ABLIM2: variants seen among roughly 807,000 people sequenced by gnomAD.
ABLIM2 encodes the protein actin-binding LIM protein 2.
ABLIM2 carries 53 observed loss-of-function variants against 97.7 expected under a neutral mutation model. The observed-to-expected ratio is 0.54, with a 90% CI of 0.44 to 0.68. ABLIM2 has a LOEUF of 0.68. Among genes scored for constraint, ABLIM2 ranks in the 30% least tolerant of loss-of-function variants. The pLI is 0.00. For missense variants in ABLIM2, 835 were observed against 867.2 expected, an observed-to-expected ratio of 0.96 and a Z score of 0.47; for synonymous variants, 361 against 345.8, an observed-to-expected ratio of 1.04 and a Z score of -0.49.
intron 2 of ABLIM2, among the ~76,000 whole-genome samples, chr4:8,103,385 A>G (rs907477502): frequency 6.6e-6 from 1 of 152,258 alleles, no homozygotes; most frequent in Non-Finnish European, 1.5e-5. Flanking sequence ...TAGTTACTCC[A>G]TGCCATTCTC....
Position 7,965,466 on chromosome 4 carries a change from C to T in ABLIM2, c.*1524G>A, listed in dbSNP as rs1438490753. ...ATATTAGGTGCTAAAAACTCCCCCTCCCTAGCCGAGCTGGGCGGGTGAGAA... is the reference window on the plus strand; with the variant it reads ...ATATTAGGTGCTAAAAACTCCCCCTTCCTAGCCGAGCTGGGCGGGTGAGAA... On this transcript the variant is annotated 3_prime_UTR_variant, in exon 21 of 21. Transcript: ENST00000447017. 1 of 152,624 alleles carries T rather than the reference C, an allele frequency of 6.6e-6. No homozygotes were observed. Among genetic ancestry groups the T allele is most frequent in the African/African-American group, 2.4e-5 (1 of 41,456 alleles). 9.5% of individuals were successfully genotyped at this position (152,624 alleles called of 1,614,324 possible).
In ABLIM2 at chr4:7,965,516, G is replaced by C. The variant is rs3749597; in HGVS notation, c.*1474C>G. On this transcript the variant is annotated 3_prime_UTR_variant, in exon 21 of 21. Transcript: ENST00000447017. ...AGCCGAGTGCGAAACGGGACTTGGCGTGTCATGGGCGCTAAGGAAACGGAG... is the reference window on the plus strand; with the variant it reads ...AGCCGAGTGCGAAACGGGACTTGGCCTGTCATGGGCGCTAAGGAAACGGAG... The C allele has an allele frequency of 0.095, 14,546 of 152,538 alleles. 907 individuals are homozygous for C. Among genetic ancestry groups the C allele is most frequent in the East Asian group, 0.27 (1,377 of 5,148 alleles). 9.4% of individuals were successfully genotyped at this position (152,538 alleles called of 1,614,324 possible).
intron 14 of ABLIM2, among the ~76,000 whole-genome samples, chr4:8,018,023 C>T (rs996920925): frequency 6.6e-6 from 1 of 151,576 alleles, no homozygotes; most frequent in Non-Finnish European, 1.5e-5. Context: ...AAGACGATCA[C>T]TGGAGACAGT....
intron 16 of ABLIM2, chr4:8,007,019 C>T: frequency 1.0e-6 from 1 of 985,432 alleles, no homozygotes. Context: ...ACACAAGCAA[C>T]ACACCTTTCT....
chr4:8,023,433 T>C lies in ABLIM2; in HGVS notation c.1268-3130A>G, dbSNP rs1391713760. Among the ~76,000 whole-genome samples the C allele has an allele frequency of 6.6e-6, 1 of 152,264 alleles. No individual in the cohort carries two copies. The highest frequency in any genetic ancestry group is 6.5e-5 in the Admixed American group (1 of 15,294). ...TTTGCCTGATGTTTTCTCATGGCGA[T>C]ACTGGGCTTATGGGGTTGAGAAGGA... On this transcript the variant is annotated intron_variant, in intron 12 of 20. Coordinates refer to ENST00000447017, the MANE Select transcript of ABLIM2 (RefSeq NM_001130083.2). The surrounding 1 kb of genome is among the most constrained non-coding windows in gnomAD (Gnocchi z 5.7).
At chr4:8,030,645 C>G (rs1420112783) in intron 10 of ABLIM2, among the ~76,000 whole-genome samples, 1 of 152,218 alleles carries the variant, frequency 6.6e-6, no homozygotes. Context: ...GCGCTTCACC[C>G]TGCTCCCTTT....
rs147402194 is a variant in ABLIM2 at position 7,970,985 on chromosome 4, G to A, written c.1825-3882C>T. Among the ~76,000 whole-genome samples the A allele has an allele frequency of 6.6e-6, 1 of 152,208 alleles. No individual in the cohort carries two copies. The highest frequency in any genetic ancestry group is 2.4e-5 in the African/African-American group (1 of 41,548). On this transcript the variant is annotated intron_variant, in intron 20 of 20. Coordinates refer to ENST00000447017, the MANE Select transcript of ABLIM2 (RefSeq NM_001130083.2). This position sits in a 1 kb window ranked among gnomAD's most constrained non-coding sequence, Gnocchi z 5.3. ...TCTGTCTGCAGCGTGAGAGAACTTG[G>A]TTGCCTGGGTATCCGGAAGGCTGGG...
chr4:8,078,856 G>C (rs556934896), intron 5 of ABLIM2, among the ~76,000 whole-genome samples: 11 of 152,358 alleles, frequency 7.2e-5, no homozygotes, highest in African/African-American at 1.9e-4. Flanking sequence ...GACCCAGCAC[G>C]TGTGGGGGTG....
At chr4:8,135,292 C>T (rs994015890) in intron 1 of ABLIM2, among the ~76,000 whole-genome samples, 4 of 152,162 alleles carry the variant, frequency 2.6e-5, no homozygotes, top group Non-Finnish European at 5.9e-5. Flanking sequence ...TAGGGGTAAC[C>T]GGGGCAGCCA....
At chr4:8,070,146 T>C (rs1475938417) in intron 6 of ABLIM2, among the ~76,000 whole-genome samples, 1 of 151,984 alleles carries the variant, frequency 6.6e-6, no homozygotes, top group African/African-American at 2.4e-5. Flanking sequence ...TGTCTGTGTG[T>C]GTACGTCTGT....
chr4:7,973,595 C>T (rs1043016397), intron 20 of ABLIM2, among the ~76,000 whole-genome samples: 5 of 152,016 alleles, frequency 3.3e-5, no homozygotes, highest in South Asian at 2.1e-4. Flanking sequence ...GGCCCTGGAC[C>T]GTGTTAAGCA....
rs777348262 is a variant in ABLIM2, at chr4:7,967,042, C to G, written c.1886G>C (p.Arg629Pro). ...VFGMSIEEFD[R>P]LALWKRNDLK... Reference sequence around the variant, plus strand: ...GTCATTCCTCTTCCAGAGGGCCAGGCGGTCAAACTCCTCGATGCTCATCCC... The same window carrying G: ...GTCATTCCTCTTCCAGAGGGCCAGGGGGTCAAACTCCTCGATGCTCATCCC... Residue 629 changes from arginine (R) to proline (P), a missense_variant, in exon 21 of 21, where the codon CGC becomes CCC. By Grantham distance (103) the Arg-to-Pro change is moderately radical (BLOSUM62 -2). Coordinates refer to ENST00000447017, the MANE Select transcript of ABLIM2 (RefSeq NM_001130083.2). 6.2e-7 allele frequency: 1 copy of G among 1,613,868 alleles called. No homozygotes were observed. Among genetic ancestry groups the G allele is most frequent in the South Asian group, 1.1e-5 (1 of 91,080 alleles).
chr4:8,022,005 A>G lies in ABLIM2; in HGVS notation c.1268-1702T>C, dbSNP rs1774059207. 6.6e-6 allele frequency among the ~76,000 whole-genome samples: 1 copy of G among 152,164 alleles called. No individual in the cohort carries two copies. The highest frequency in any genetic ancestry group is 2.4e-5 in the African/African-American group (1 of 41,444). ...GTGGACTCCTGCACCTCCTGGTGGCAGCAGGGGCCTCACAGCAGGGAGACT... is the reference window on the plus strand; with the variant it reads ...GTGGACTCCTGCACCTCCTGGTGGCGGCAGGGGCCTCACAGCAGGGAGACT... On this transcript the variant is annotated intron_variant, in intron 12 of 20. Coordinates refer to ENST00000447017, the MANE Select transcript of ABLIM2 (RefSeq NM_001130083.2). The surrounding 1 kb of genome is among the most constrained non-coding windows in gnomAD (Gnocchi z 7.8).
intron 9 of ABLIM2, 112 bp from the exon 10 acceptor site, chr4:8,036,407 T>C: frequency 7.5e-7 from 1 of 1,338,154 alleles, no homozygotes; most frequent in East Asian, 2.4e-5. Context: ...GCCAGATGCA[T>C]CCCACAGGAC....
intron 20 of ABLIM2, among the ~76,000 whole-genome samples, chr4:7,977,177 C>T (rs982365980): frequency 1.1e-4 from 17 of 152,208 alleles, no homozygotes; most frequent in Non-Finnish European, 2.2e-4. Context: ...TCCTCCTTCA[C>T]ACTCTCTTTC....
rs189514066 is a variant in ABLIM2, at chr4:7,991,839, C to T, written c.1680+1027G>A. 2.3e-4 allele frequency among the ~76,000 whole-genome samples: 35 copies of T among 152,200 alleles called. No individual in the cohort carries two copies. The East Asian group carries it at 6.8e-3, about 29-fold the overall frequency. ...CTGAAGGAGACGGAGAGAACAAATGCCAGCCCAAGAGGACACCCACGGCTT... is the reference window on the plus strand; with the variant it reads ...CTGAAGGAGACGGAGAGAACAAATGTCAGCCCAAGAGGACACCCACGGCTT... On this transcript the variant is annotated intron_variant, in intron 17 of 20. Coordinates refer to ENST00000447017, the MANE Select transcript of ABLIM2 (RefSeq NM_001130083.2).
intron 4 of ABLIM2, among the ~76,000 whole-genome samples, chr4:8,081,420 G>A (rs901641894): frequency 3.3e-5 from 5 of 152,292 alleles, no homozygotes; most frequent in Admixed American, 2.0e-4. Flanking sequence ...TTGTGCACAG[G>A]GCCTCCAGGT....
chr4:8,049,007 C>T (rs1174802489), intron 8 of ABLIM2, among the ~76,000 whole-genome samples: 1 of 152,238 alleles, frequency 6.6e-6, no homozygotes, highest in East Asian at 1.9e-4. Flanking sequence ...AGACACACCA[C>T]CCAGAGCCAG....
chr4:7,973,968 G>C (rs1022741905), intron 20 of ABLIM2, among the ~76,000 whole-genome samples: 1 of 152,216 alleles, frequency 6.6e-6, no homozygotes, highest in African/African-American at 2.4e-5. Flanking sequence ...AATAATGCAG[G>C]AGCCTCATGA....
Sources: allele counts gnomAD v4.1 joint callset (sites outside exome capture counted in the v4.1 genomes callset), GRCh38; gene constraint gnomAD v4.1.1; non-coding constraint Gnocchi (gnomAD v3.1); transcripts MANE v1.5; gene names NCBI Gene and HGNC (gene_info 2026-07-23, HGNC 2026-07-21).